HHAT: variants seen among roughly 807,000 people sequenced by gnomAD.
HHAT encodes the protein protein-cysteine N-palmitoyltransferase HHAT.
A neutral mutation model predicts 70.8 loss-of-function variants in HHAT; 47 were observed. The observed-to-expected ratio is 0.66, with a 90% confidence interval of 0.53 to 0.85. The LOEUF is 0.85. Ranked by LOEUF, HHAT falls within the 40% of genes least tolerant of loss-of-function variation. HHAT has a pLI of 0.00. For synonymous variants in HHAT, 228 were observed against 247.6 expected (o/e 0.92, Z 0.74); for missense variants, 609 against 604.8 (o/e 1.01, Z -0.07).
At chr1:210,593,816 A>G (rs972711863) in intron 10 of HHAT, among the ~76,000 whole-genome samples, 1 of 152,012 alleles carries the variant, frequency 6.6e-6, no homozygotes, top group African/African-American at 2.4e-5. Context: ...CTCTAATAAT[A>G]TTTGCTTTAT....
intron 9 of HHAT, among the ~76,000 whole-genome samples, chr1:210,564,020 C>A (rs1416326527): frequency 6.6e-6 from 1 of 152,116 alleles, no homozygotes; most frequent in Non-Finnish European, 1.5e-5. Flanking sequence ...GTGGTGCAAT[C>A]TCAGCTCACA....
chr1:210,577,653 T>A (rs1015940393), intron 9 of HHAT, among the ~76,000 whole-genome samples: 25 of 129,448 alleles, frequency 1.9e-4, no homozygotes, highest in African/African-American at 7.9e-4. Context: ...TTTTTTTTTT[T>A]TTTTTTTTTT....
At chr1:210,533,714 C>T (rs2095339928) in intron 9 of HHAT, among the ~76,000 whole-genome samples, 1 of 152,176 alleles carries the variant, frequency 6.6e-6, no homozygotes. Flanking sequence ...AATTGGGGAT[C>T]TTTAAATGGG....
chr1:210,449,346 G>A (rs1275749158), intron 7 of HHAT, among the ~76,000 whole-genome samples: 2 of 147,572 alleles, frequency 1.4e-5, no homozygotes, highest in South Asian at 4.3e-4. Flanking sequence ...TTTCTTATTT[G>A]ATTTCCCAGG....
chr1:210,613,478 A>G (rs973914846), intron 10 of HHAT, among the ~76,000 whole-genome samples: 9 of 152,088 alleles, frequency 5.9e-5, no homozygotes, highest in African/African-American at 9.7e-5. Context: ...CCATTGGTCT[A>G]TATGTTTATC....
At chr1:210,375,471 T>C (rs2090115388) in intron 3 of HHAT, among the ~76,000 whole-genome samples, 1 of 152,184 alleles carries the variant, frequency 6.6e-6, no homozygotes, top group South Asian at 2.1e-4. Context: ...CATATCCTTT[T>C]TCATCTTTTA....
At chr1:210,670,841 A>G (rs1679931289) in intron 11 of HHAT, among the ~76,000 whole-genome samples, 1 of 152,164 alleles carries the variant, frequency 6.6e-6, no homozygotes, top group African/African-American at 2.4e-5. Context: ...TTTTATTTGC[A>G]TGCTTTTAAA....
intron 5 of HHAT, 140 bp downstream of exon 5, chr1:210,400,802 G>A: frequency 1.4e-6 from 1 of 740,122 alleles, no homozygotes; most frequent in Non-Finnish European, 2.2e-6. Context: ...GTACAGGGTT[G>A]CTACAAGTGA....
intron 11 of HHAT, among the ~76,000 whole-genome samples, chr1:210,638,605 G>GTA (rs1468617136): frequency 6.6e-6 from 1 of 150,684 alleles, no homozygotes; most frequent in Non-Finnish European, 1.5e-5. Context: ...ATGGGGCTTG[G>GTA]TATGGTTGCC....
At chr1:210,590,738 A>G (rs992142257) in intron 10 of HHAT, among the ~76,000 whole-genome samples, 19 of 152,098 alleles carry the variant, frequency 1.2e-4, no homozygotes, top group African/African-American at 4.6e-4. Context: ...AATCTCATCC[A>G]GAAACGCCTT....
At chr1:210,334,857 G>GT (rs1571659812) in intron 1 of HHAT, among the ~76,000 whole-genome samples, 1 of 151,850 alleles carries the variant, frequency 6.6e-6, no homozygotes, top group East Asian at 1.9e-4. Flanking sequence ...AAATTGACAG[G>GT]TTTTTCCAAT....
At chr1:210,515,838 C>T (rs977512465) in intron 9 of HHAT, among the ~76,000 whole-genome samples, 1 of 151,192 alleles carries the variant, frequency 6.6e-6, no homozygotes, top group African/African-American at 2.4e-5. Flanking sequence ...GAGGCCAAGG[C>T]AGGCAGATCA....
At chr1:210,525,963 C>T (rs1031288600) in intron 9 of HHAT, among the ~76,000 whole-genome samples, 13 of 152,130 alleles carry the variant, frequency 8.5e-5, no homozygotes, top group South Asian at 4.1e-4. Flanking sequence ...AATGCGTGCG[C>T]GATCTTTCTG....
intron 10 of HHAT, among the ~76,000 whole-genome samples, chr1:210,619,662 C>T (rs932783500): frequency 4.6e-5 from 7 of 152,142 alleles, no homozygotes; most frequent in Non-Finnish European, 7.4e-5. Flanking sequence ...TTATCCCTGG[C>T]CCCTGCCCAC....
At chr1:210,433,763 G>T (rs2093311927) in intron 7 of HHAT, among the ~76,000 whole-genome samples, 1 of 151,908 alleles carries the variant, frequency 6.6e-6, no homozygotes, top group Non-Finnish European at 1.5e-5. Flanking sequence ...TGTTGATGAT[G>T]ATTATTAATT....
intron 10 of HHAT, among the ~76,000 whole-genome samples, chr1:210,603,052 A>G (rs1321516722): frequency 1.3e-5 from 2 of 152,156 alleles, no homozygotes; most frequent in Non-Finnish European, 2.9e-5. Flanking sequence ...AATAGAACCC[A>G]TTTTCAGTTA....
intron 11 of HHAT, among the ~76,000 whole-genome samples, chr1:210,634,959 G>C (rs549543680): frequency 6.6e-6 from 1 of 152,326 alleles, no homozygotes; most frequent in South Asian, 2.1e-4. Flanking sequence ...TTTTTACAGA[G>C]AATACTGCTA....
chr1:210,514,646 T>A (rs565449772), intron 9 of HHAT, among the ~76,000 whole-genome samples: 1 of 152,260 alleles, frequency 6.6e-6, no homozygotes, highest in East Asian at 1.9e-4. Flanking sequence ...GAAACTTGTA[T>A]AGGATCAACC....
chr1:210,511,780 CTTTTTTTTTT>C (rs201825628), intron 8 of HHAT, among the ~76,000 whole-genome samples: 1 of 88,456 alleles, frequency 1.1e-5, no homozygotes, highest in Non-Finnish European at 2.3e-5. Context: ...GCCGCCTGGT[CTTTTTTTTTT>C]TTTTTTTTTT....
Sources: allele counts gnomAD v4.1 joint callset (sites outside exome capture counted in the v4.1 genomes callset), GRCh38; gene constraint gnomAD v4.1.1; transcripts MANE v1.5; gene names NCBI Gene and HGNC (gene_info 2026-07-23, HGNC 2026-07-21).